The following MAGI2 variants were observed in gnomAD, a reference collection of about 807,000 sequenced individuals.
The protein encoded by MAGI2 is membrane associated guanylate kinase, WW and PDZ domain containing 2, also known as membrane-associated guanylate kinase, WW and PDZ domain-containing protein 2.
Under a neutral mutation model 133.3 loss-of-function variants are expected in MAGI2, and 35 were observed. The ratio of observed to expected loss-of-function variants is 0.26; its 90% CI spans 0.20 to 0.35. MAGI2 has a LOEUF of 0.35. Ranked by LOEUF, MAGI2 falls within the 10% of genes least tolerant of loss-of-function variation. The probability of loss-of-function intolerance (pLI) is 1.00; values close to 1 mark genes in which losing one functional copy is unlikely to be tolerated. For missense variants in MAGI2, 1,636 were observed against 1,863.4 expected (o/e 0.88, Z 2.25); for synonymous variants, 729 against 710.6 (o/e 1.03, Z -0.41).
intron 2 of MAGI2, among the ~76,000 whole-genome samples, chr7:78,661,392 T>C (rs781372772): frequency 1.3e-5 from 2 of 152,198 alleles, no homozygotes; most frequent in Non-Finnish European, 2.9e-5. Flanking sequence ...TTGGCACAAA[T>C]GACCCAGATA....
At chr7:79,412,477 G>A (rs545499098) in intron 1 of MAGI2, 10 of 152,182 alleles carry the variant, frequency 6.6e-5, no homozygotes, top group East Asian at 3.9e-4. Context: ...CCATTGTGTC[G>A]TGGCTAAGCT....
Position 78,527,006 on chromosome 7 carries a change from C to CAAAAAAAA in MAGI2, c.539-5369_539-5362dup, listed in dbSNP as rs55707442. ...ATGGTGACAGGGCAAGACTCCATCT[C>CAAAAAAAA]AAAAAAAAAAAAAAAAAAAAAAAAA... On this transcript the variant is annotated intron_variant, in intron 3 of 21. Coordinates refer to ENST00000354212, the MANE Select transcript of MAGI2 (RefSeq NM_012301.4). Among the ~76,000 whole-genome samples, 149 of 45,382 alleles carry CAAAAAAAA rather than the reference C, an allele frequency of 3.3e-3. 1 individual carries two copies. The highest frequency in any genetic ancestry group is 7.6e-3 in the East Asian group (9 of 1,188). The allele number at this position is 45,382 out of a possible 152,430, so 29.8% of individuals were successfully genotyped here.
chr7:79,230,921 T>C (rs1831313552), intron 1 of MAGI2, among the ~76,000 whole-genome samples: 1 of 131,654 alleles, frequency 7.6e-6, no homozygotes, highest in Admixed American at 7.8e-5. Flanking sequence ...TTTTTATGGT[T>C]TTAGGTCTAA....
chr7:78,266,308 C>T (rs985588654), intron 9 of MAGI2, among the ~76,000 whole-genome samples: 2 of 152,104 alleles, frequency 1.3e-5, no homozygotes, highest in Non-Finnish European at 1.5e-5. Context: ...TCAACTGATC[C>T]TCCCACCTCA....
At chr7:79,157,185 T>C (rs879491503) in intron 1 of MAGI2, among the ~76,000 whole-genome samples, 1 of 152,104 alleles carries the variant, frequency 6.6e-6, no homozygotes, top group Non-Finnish European at 1.5e-5. Context: ...CATATGTAAA[T>C]AAGAGACTAA....
Position 79,015,551 on chromosome 7 carries a change from C to G in MAGI2, c.302-8345G>C, listed in dbSNP as rs371976632. Among the ~76,000 whole-genome samples the G allele has an allele frequency of 2.0e-4, 31 of 152,254 alleles. No homozygotes were observed. In the South Asian group the frequency reaches 6.0e-3, roughly 30 times the overall value. ...GGCAAATCTCATTCCAAACAACAGA[C>G]TAATATAGCCTGCATAGTCTGTGTT... On this transcript the variant is annotated intron_variant, in intron 1 of 21. Coordinates refer to ENST00000354212, the MANE Select transcript of MAGI2 (RefSeq NM_012301.4).
intron 1 of MAGI2, among the ~76,000 whole-genome samples, chr7:79,241,087 T>A (rs1487598494): frequency 6.6e-6 from 1 of 152,200 alleles, no homozygotes; most frequent in Non-Finnish European, 1.5e-5. Flanking sequence ...TCATTTGGAA[T>A]AATTATGTTT....
At chr7:78,398,861 T>A (rs180986361) in intron 6 of MAGI2, among the ~76,000 whole-genome samples, 1 of 152,150 alleles carries the variant, frequency 6.6e-6, no homozygotes, top group African/African-American at 2.4e-5. Context: ...TTGAGTTCAA[T>A]CTCCCTTATT....
chr7:78,856,611 A>G lies in MAGI2; in HGVS notation c.418+150479T>C, dbSNP rs1485353056. Among the ~76,000 whole-genome samples the G allele has an allele frequency of 6.6e-5, 10 of 152,236 alleles. No individual in the cohort carries two copies. In the East Asian group the frequency reaches 1.7e-3, roughly 27 times the overall value. On this transcript the variant is annotated intron_variant, in intron 2 of 21. Coordinates refer to ENST00000354212, the MANE Select transcript of MAGI2 (RefSeq NM_012301.4). ...GCTCTGTTCTGTTCCATTGGTCTATATCTCTGGTTTGGTACCAGTACTATG... is the reference window on the plus strand; with the variant it reads ...GCTCTGTTCTGTTCCATTGGTCTATGTCTCTGGTTTGGTACCAGTACTATG...
intron 1 of MAGI2, among the ~76,000 whole-genome samples, chr7:79,430,270 G>C (rs1847686000): frequency 6.6e-6 from 1 of 151,778 alleles, no homozygotes; most frequent in African/African-American, 2.4e-5. Flanking sequence ...AGGATTTTTA[G>C]TTACCCTTCA....
At chr7:79,229,782 G>GT (rs1280895554) in intron 1 of MAGI2, among the ~76,000 whole-genome samples, 1 of 151,218 alleles carries the variant, frequency 6.6e-6, no homozygotes, top group African/African-American at 2.4e-5. Context: ...TTTTTTTTAA[G>GT]TTTTTTTAAA....
At chr7:78,275,783 G>C (rs961699842) in intron 9 of MAGI2, among the ~76,000 whole-genome samples, 4 of 152,192 alleles carry the variant, frequency 2.6e-5, no homozygotes, top group Non-Finnish European at 5.9e-5. Flanking sequence ...TTAACTGACA[G>C]TCGGTTGGAT....
At chr7:78,707,744 T>C (rs1032988418) in intron 2 of MAGI2, among the ~76,000 whole-genome samples, 2 of 152,132 alleles carry the variant, frequency 1.3e-5, no homozygotes, top group Non-Finnish European at 2.9e-5. Flanking sequence ...TTGTGTTTAT[T>C]GCTTTAATGA....
At chr7:78,644,523 G>A (rs1466238818) in intron 2 of MAGI2, among the ~76,000 whole-genome samples, 2 of 152,044 alleles carry the variant, frequency 1.3e-5, no homozygotes, top group African/African-American at 4.8e-5. Flanking sequence ...AAAAGCCTTA[G>A]ATATTTGGAA....
chr7:78,653,563 T>C (rs1315639492), intron 2 of MAGI2, among the ~76,000 whole-genome samples: 1 of 151,640 alleles, frequency 6.6e-6, no homozygotes, highest in Non-Finnish European at 1.5e-5. Context: ...ATGTTCTCAC[T>C]CATAAGTGGG....
In MAGI2 at chr7:78,135,196, A is replaced by G. The variant is rs753414424; in HGVS notation, c.2856T>C (p.His952=). 3 of 1,613,938 alleles carry G rather than the reference A, an allele frequency of 1.9e-6. No individual in the cohort carries two copies. The highest frequency in any genetic ancestry group is 2.2e-5 in the South Asian group (2 of 91,070). The part of the protein sequence containing the change: ...PESGSTITVP[H]KIGRIIDGSP... ...TCCCATCAATGATGCGTCCGATTTT[A>G]TGGGGCACAGCTAAAAAAACCCCAA... The change falls in exon 17 of 22, where the codon CAT becomes CAC. Residue 952 remains histidine (H), a synonymous_variant. Coordinates refer to ENST00000354212, the MANE Select transcript of MAGI2 (RefSeq NM_012301.4).
At chr7:78,707,190 A>G (rs1818740182) in intron 2 of MAGI2, among the ~76,000 whole-genome samples, 1 of 152,158 alleles carries the variant, frequency 6.6e-6, no homozygotes, top group Non-Finnish European at 1.5e-5. Context: ...ATATTAAAGA[A>G]TAAATTAGCA....
intron 21 of MAGI2, among the ~76,000 whole-genome samples, chr7:78,070,387 G>A (rs1246484184): frequency 6.8e-6 from 1 of 147,620 alleles, no homozygotes; most frequent in African/African-American, 2.5e-5. Context: ...TATTATTGCA[G>A]CAAGCCACCT....
chr7:79,147,204 C>G (rs1276496290), intron 1 of MAGI2, among the ~76,000 whole-genome samples: 1 of 152,078 alleles, frequency 6.6e-6, no homozygotes, highest in Non-Finnish European at 1.5e-5. Context: ...CAATGTGCAG[C>G]CCATAGAAAA....
Sources: allele counts gnomAD v4.1 joint callset (sites outside exome capture counted in the v4.1 genomes callset), GRCh38; gene constraint gnomAD v4.1.1; transcripts MANE v1.5; gene names NCBI Gene and HGNC (gene_info 2026-07-23, HGNC 2026-07-21).